The following FAM117A variants were observed in gnomAD, a reference collection of about 807,000 sequenced individuals.
The protein encoded by FAM117A is protein FAM117A.
FAM117A carries 21 observed loss-of-function variants against 44.1 expected under a neutral mutation model. The observed-to-expected ratio is 0.48, with a 90% CI of 0.34 to 0.69. FAM117A has a LOEUF of 0.69. Ranked by LOEUF, FAM117A falls within the 30% of genes least tolerant of loss-of-function variation. The probability of loss-of-function intolerance (pLI) is 0.01; values close to 1 mark genes in which losing one functional copy is unlikely to be tolerated. For missense variants in FAM117A, 498 were observed against 589.9 expected, an observed-to-expected ratio of 0.84 and a Z score of 1.61; for synonymous variants, 220 against 238.3, an observed-to-expected ratio of 0.92 and a Z score of 0.71.
chr17:49,768,129 A>C (rs1015987791), upstream of FAM117A, among the ~76,000 whole-genome samples: 1 of 152,110 alleles, frequency 6.6e-6, no homozygotes, highest in Non-Finnish European at 1.5e-5. Context: ...AGCAGTCCCT[A>C]TGAGGTTTCA....
In FAM117A at chr17:49,732,706, A is replaced by C; in HGVS notation, c.211T>G (p.Ser71Ala). The change falls in exon 2 of 8, where the codon TCG becomes GCG. Residue 71 changes from serine to alanine, a missense_variant. By Grantham distance (99) the Ser-to-Ala change is moderately conservative. Transcript: ENST00000240364. Reference sequence around the variant, plus strand: ...CACACTGACTTTTCTGGGGCCACCGAGCATGGGACGCTGGCTGCAAGAGAA... The same window carrying C: ...CACACTGACTTTTCTGGGGCCACCGCGCATGGGACGCTGGCTGCAAGAGAA... ...GGGRAASVPC[S>A]VAPEKSVCRP... 6.2e-7 allele frequency: 1 copy of C among 1,613,492 alleles called. No individual in the cohort carries two copies. Among genetic ancestry groups the C allele is most frequent in the Non-Finnish European group, 8.5e-7 (1 of 1,179,734 alleles).
intron 6 of FAM117A, 30 bp from the exon 7 acceptor site, chr17:49,716,345 G>T: frequency 1.3e-6 from 2 of 1,504,424 alleles, no homozygotes; most frequent in South Asian, 1.4e-5. Context: ...AAGTCTAGTG[G>T]AGATGAAGGG....
At position 49,777,204 on chromosome 17, in the gene FAM117A, G is replaced by A. The variant is rs533130212; in HGVS notation, c.-621+11293C>T. On this transcript the variant is annotated intron_variant, in intron 1 of 7. Transcript: ENST00000513602. ...CTTCTGCCTGGCAGGGAGCCTCAGG[G>A]TAGGGGTGGGGGAATAGGGTCCTCC... Among the ~76,000 whole-genome samples, 106 of 152,284 alleles carry A rather than the reference G, an allele frequency of 7.0e-4. 1 individual carries two copies. In the Middle Eastern group the frequency reaches 0.014, roughly 20 times the overall value.
At chr17:49,779,587 AC>A (rs1211238563) in intron 1 of FAM117A, among the ~76,000 whole-genome samples, 2 of 151,958 alleles carry the variant, frequency 1.3e-5, no homozygotes, top group African/African-American at 2.4e-5. Context: ...TATCATGTGT[AC>A]CCCCCATTTA....
chr17:49,728,150 T>G (rs1470628976), intron 2 of FAM117A, among the ~76,000 whole-genome samples: 2 of 152,244 alleles, frequency 1.3e-5, no homozygotes, highest in Non-Finnish European at 1.5e-5. Context: ...CAAACTATGC[T>G]GAACAACTGG....
At chr17:49,712,665 C>G (rs1048373120) in intron 7 of FAM117A, among the ~76,000 whole-genome samples, 1 of 152,102 alleles carries the variant, frequency 6.6e-6, no homozygotes, top group African/African-American at 2.4e-5. Flanking sequence ...CATGAACCAC[C>G]ATGCCCAGCT....
At chr17:49,733,129 C>T (rs1022881518) in intron 1 of FAM117A, among the ~76,000 whole-genome samples, 6 of 152,194 alleles carry the variant, frequency 3.9e-5, no homozygotes, top group Admixed American at 3.3e-4. Context: ...ATCTCCTGCC[C>T]TTCTTCCTCC....
chr17:49,761,557 C>G (rs2073722522), intron 1 of FAM117A, among the ~76,000 whole-genome samples: 1 of 152,162 alleles, frequency 6.6e-6, no homozygotes, highest in African/African-American at 2.4e-5. Flanking sequence ...AAAGAACTTC[C>G]TCAAAGCCAC....
intron 3 of FAM117A, 77 bp from the exon 4 acceptor site, chr17:49,720,513 G>T: frequency 1.8e-6 from 2 of 1,097,710 alleles, no homozygotes; most frequent in Non-Finnish European, 2.8e-6. Context: ...CCAAAGAGTG[G>T]CTCCTGGCAG....
chr17:49,776,456 C>T (rs971477743), intron 1 of FAM117A, among the ~76,000 whole-genome samples: 1 of 152,090 alleles, frequency 6.6e-6, no homozygotes, highest in Non-Finnish European at 1.5e-5. Context: ...CTTCCACAGC[C>T]CTAAAGACTC....
intron 2 of FAM117A, among the ~76,000 whole-genome samples, chr17:49,723,772 TGGAGA>T (rs151198222): frequency 0.012 from 1,844 of 152,160 alleles, 49 homozygotes; most frequent in African/African-American, 0.043. Context: ...ACAGCTGCAG[TGGAGA>T]GGGGCCACTG....
intron 1 of FAM117A, among the ~76,000 whole-genome samples, chr17:49,769,798 C>A (rs556003462): frequency 6.6e-6 from 1 of 152,148 alleles, no homozygotes; most frequent in African/African-American, 2.4e-5. Context: ...AGATTTTAAA[C>A]AAACAATTGG....
chr17:49,719,999 G>A, intron 4 of FAM117A, 105 bp from the exon 5 acceptor site: 1 of 1,434,242 alleles, frequency 7.0e-7, no homozygotes, highest in Non-Finnish European at 9.3e-7. Flanking sequence ...AGAACTGAGT[G>A]AATGAAGGGT....
At chr17:49,754,238 G>T (rs2143773285) in intron 1 of FAM117A, among the ~76,000 whole-genome samples, 1 of 152,140 alleles carries the variant, frequency 6.6e-6, no homozygotes, top group East Asian at 1.9e-4. Flanking sequence ...GGCAGGGAGT[G>T]CACGTGTTAT....
At chr17:49,783,393 T>A (rs2073795565) in intron 1 of FAM117A, among the ~76,000 whole-genome samples, 1 of 152,050 alleles carries the variant, frequency 6.6e-6, no homozygotes, top group Non-Finnish European at 1.5e-5. Flanking sequence ...TGCTATTGAA[T>A]CAAGATCAGA....
intron 7 of FAM117A, among the ~76,000 whole-genome samples, chr17:49,712,395 C>T (rs941539922): frequency 2.0e-4 from 31 of 152,308 alleles, no homozygotes; most frequent in African/African-American, 7.2e-4. Flanking sequence ...CTCCTCCCCT[C>T]TAGTTGTGAC....
chr17:49,724,495 A>G, intron 2 of FAM117A: 1 of 456,304 alleles, frequency 2.2e-6, no homozygotes, highest in Non-Finnish European at 4.4e-6. Flanking sequence ...CTTCTGGGAT[A>G]TGCGAGAGGA....
intron 5 of FAM117A, among the ~76,000 whole-genome samples, chr17:49,718,942 A>C (rs1313632747): frequency 1.5e-5 from 2 of 135,974 alleles, no homozygotes; most frequent in Non-Finnish European, 3.1e-5. Context: ...GCGCCACCGC[A>C]CTCCAGCCTG....
chr17:49,753,203 C>T (rs1482304440), intron 1 of FAM117A, among the ~76,000 whole-genome samples: 1 of 152,124 alleles, frequency 6.6e-6, no homozygotes, highest in African/African-American at 2.4e-5. Flanking sequence ...AATCTTTGCT[C>T]CTGGAATACA....
Sources: allele counts gnomAD v4.1 joint callset (sites outside exome capture counted in the v4.1 genomes callset), GRCh38; gene constraint gnomAD v4.1.1; transcripts MANE v1.5; gene names NCBI Gene and HGNC (gene_info 2026-07-23, HGNC 2026-07-21).